The following MTUS2 variants were observed in gnomAD, a reference collection of about 807,000 sequenced individuals.
MTUS2 encodes the protein microtubule associated scaffold protein 2.
MTUS2 carries 40 observed loss-of-function variants against 114.1 expected under a neutral mutation model. That is an observed-to-expected ratio of 0.35 (90% CI 0.27 to 0.46). The LOEUF is 0.46. Ranked by LOEUF, MTUS2 falls within the 20% of genes least tolerant of loss-of-function variation. The probability of loss-of-function intolerance (pLI) is 1.00; values close to 1 mark genes in which losing one functional copy is unlikely to be tolerated. For missense variants in MTUS2, 1,679 were observed against 1,705.4 expected (o/e 0.98, Z 0.27); for synonymous variants, 688 against 672.0 (o/e 1.02, Z -0.37).
At chr13:29,265,654 G>C (rs1017685729) in intron 5 of MTUS2, among the ~76,000 whole-genome samples, 2 of 152,192 alleles carry the variant, frequency 1.3e-5, no homozygotes, top group African/African-American at 4.8e-5. Context: ...CTTCTGGAGA[G>C]GCTTCAAGGA....
At chr13:29,493,862 C>T (rs115324925) in intron 12 of MTUS2, among the ~76,000 whole-genome samples, 2,162 of 152,256 alleles carry the variant, frequency 0.014, 48 homozygotes, top group African/African-American at 0.05. Flanking sequence ...TGGGAGTCTG[C>T]GCCCTGCCAC....
chr13:29,449,983 G>A (rs1247356509), intron 9 of MTUS2, among the ~76,000 whole-genome samples: 3 of 152,214 alleles, frequency 2.0e-5, no homozygotes, highest in Non-Finnish European at 2.9e-5. Context: ...GGGGACCCAG[G>A]CTCCTTACAG....
rs1555287875 is a variant in MTUS2, at chr13:29,503,752, AAG to A, written c.*548_*549del. The A allele has an allele frequency of 4.2e-6, 1 of 237,320 alleles. No homozygotes were observed. The highest frequency in any genetic ancestry group is 8.3e-6 in the Non-Finnish European group (1 of 119,934). The allele number at this position is 237,320 out of a possible 1,614,324, so 14.7% of individuals were successfully genotyped here. A position where few individuals can be genotyped will look rare whatever the true frequency, so the allele number is the denominator to read the frequency against. ...CCAAAATAGAAAAAGGAAAAAAAAA[AAG>A]ATACAGAGAAGAAGCGCCTTTCAAC... On this transcript the variant is annotated 3_prime_UTR_variant, in exon 16 of 16. Transcript: ENST00000612955.
chr13:28,901,735 A>G (rs3001952), intron 2 of MTUS2, among the ~76,000 whole-genome samples: 19,409 of 152,182 alleles, frequency 0.13, 1,480 homozygotes, highest in African/African-American at 0.2. Context: ...TGCCTCTACC[A>G]ATACCATACT....
intron 8 of MTUS2, among the ~76,000 whole-genome samples, chr13:29,421,556 C>T (rs1381833918): frequency 6.6e-6 from 1 of 152,182 alleles, no homozygotes; most frequent in Non-Finnish European, 1.5e-5. Context: ...CTTCAAGGTC[C>T]CATCCTGCAT....
At chr13:29,396,800 T>G (rs1301231932) in intron 8 of MTUS2, among the ~76,000 whole-genome samples, 1 of 152,270 alleles carries the variant, frequency 6.6e-6, no homozygotes, top group Non-Finnish European at 1.5e-5. Context: ...AACCTCACTG[T>G]TGCTTTTAAG....
At chr13:28,902,945 G>A (rs926605815) in intron 2 of MTUS2, among the ~76,000 whole-genome samples, 13 of 152,092 alleles carry the variant, frequency 8.5e-5, no homozygotes, top group Admixed American at 5.9e-4. Flanking sequence ...AATCAGCTGG[G>A]CTTGGAGATT....
intron 2 of MTUS2, among the ~76,000 whole-genome samples, chr13:28,864,876 G>GT (rs1467249306): frequency 2.0e-5 from 3 of 151,822 alleles, no homozygotes; most frequent in Non-Finnish European, 4.4e-5. Flanking sequence ...GTCCTTTTTT[G>GT]TTTTTTTAAT....
At chr13:28,878,696 G>A (rs1315681646) in intron 2 of MTUS2, among the ~76,000 whole-genome samples, 2 of 152,320 alleles carry the variant, frequency 1.3e-5, no homozygotes, top group Non-Finnish European at 2.9e-5. Context: ...ATTCTATGGT[G>A]TATATGTACC....
At chr13:28,909,947 A>G (rs1429950573) in intron 2 of MTUS2, among the ~76,000 whole-genome samples, 3 of 152,218 alleles carry the variant, frequency 2.0e-5, no homozygotes, top group Non-Finnish European at 4.4e-5. Flanking sequence ...GCTACATTAG[A>G]TATTTTGATA....
At chr13:28,995,464 G>T (rs1050548245) in intron 2 of MTUS2, among the ~76,000 whole-genome samples, 8 of 152,094 alleles carry the variant, frequency 5.3e-5, no homozygotes, top group Admixed American at 3.9e-4. Context: ...GATGGGGATG[G>T]CATTGAATCT....
Position 29,439,990 on chromosome 13 carries a change from G to A in MTUS2, c.3125G>A (p.Ser1042Asn). Reference protein sequence around the residue: ...ATQHFFRKNESALVKEKELSI... With the variant: ...ATQHFFRKNENALVKEKELSI... The stretch of plus-strand genomic sequence containing the variant: ...CCGTTTTTGTTTTTTCAGAATGAAA[G>A]TGCCCTTGTGAAAGAAAAAGAGCTG... Residue 1042 changes from serine (S) to asparagine (N), a missense_variant, in exon 9 of 16, where the codon AGT becomes AAT. By Grantham distance (46) the Ser-to-Asn change is conservative (BLOSUM62 1). Transcript: ENST00000612955. 1 of 1,582,766 alleles carries A rather than the reference G, an allele frequency of 6.3e-7. No homozygotes were observed. Among genetic ancestry groups the A allele is most frequent in the Non-Finnish European group, 8.6e-7 (1 of 1,162,450 alleles).
At chr13:28,899,822 G>A (rs955127641) in intron 2 of MTUS2, among the ~76,000 whole-genome samples, 1 of 152,108 alleles carries the variant, frequency 6.6e-6, no homozygotes, top group Non-Finnish European at 1.5e-5. Flanking sequence ...ACCTGCTAAC[G>A]TTTTGGAGGC....
intron 8 of MTUS2, among the ~76,000 whole-genome samples, chr13:29,381,456 T>C (rs887874472): frequency 4.6e-5 from 7 of 152,228 alleles, no homozygotes; most frequent in African/African-American, 1.7e-4. Flanking sequence ...ATATACTGTT[T>C]ATTCATTATT....
intron 2 of MTUS2, among the ~76,000 whole-genome samples, chr13:28,855,760 A>G (rs1206219132): frequency 6.6e-6 from 1 of 152,114 alleles, no homozygotes; most frequent in Non-Finnish European, 1.5e-5. Context: ...TTTGTAATAG[A>G]ATGATTTATA....
intron 5 of MTUS2, among the ~76,000 whole-genome samples, chr13:29,231,100 T>G (rs1161542642): frequency 6.6e-6 from 1 of 152,198 alleles, no homozygotes; most frequent in Non-Finnish European, 1.5e-5. Flanking sequence ...ACCATCTCAC[T>G]CATCATTTTA....
intron 2 of MTUS2, among the ~76,000 whole-genome samples, chr13:28,893,100 T>G (rs1289088306): frequency 1.3e-5 from 2 of 152,094 alleles, no homozygotes; most frequent in East Asian, 3.9e-4. Context: ...TTCAGGTGTA[T>G]ATGGAGGTTC....
chr13:28,827,289 A>C (rs1186465384), intron 1 of MTUS2, among the ~76,000 whole-genome samples: 1 of 152,192 alleles, frequency 6.6e-6, no homozygotes, highest in African/African-American at 2.4e-5. Flanking sequence ...TGAAGACTCT[A>C]GCAAGTATTC....
At chr13:28,895,628 G>C (rs1261113887) in intron 2 of MTUS2, among the ~76,000 whole-genome samples, 1 of 152,118 alleles carries the variant, frequency 6.6e-6, no homozygotes, top group Non-Finnish European at 1.5e-5. Context: ...ACCGTCTGTA[G>C]GTCCATGAAG....
Sources: allele counts gnomAD v4.1 joint callset (sites outside exome capture counted in the v4.1 genomes callset), GRCh38; gene constraint gnomAD v4.1.1; transcripts MANE v1.5; gene names NCBI Gene and HGNC (gene_info 2026-07-23, HGNC 2026-07-21).